The following EYA3 variants were observed in gnomAD, a reference collection of about 807,000 sequenced individuals.
EYA3 encodes EYA transcriptional coactivator and phosphatase 3, also known as protein phosphatase EYA3.
EYA3 carries 39 observed loss-of-function variants against 80.0 expected under a neutral mutation model. That is an observed-to-expected ratio of 0.49 (90% CI 0.38 to 0.64). The LOEUF (loss-of-function observed/expected upper bound fraction) is 0.64, where lower values mean the gene tolerates loss of function less well. Ranked by LOEUF, EYA3 falls within the 30% of genes least tolerant of loss-of-function variation. EYA3 has a pLI of 0.00. For synonymous variants in EYA3, 206 were observed against 232.8 expected (o/e 0.88, Z 1.05); for missense variants, 523 against 676.1 (o/e 0.77, Z 2.51).
chr1:27,993,654 A>G (rs974294083), intron 13 of EYA3, 94 bp from the exon 14 acceptor site: 8 of 1,044,798 alleles, frequency 7.7e-6, no homozygotes, highest in Non-Finnish European at 1.1e-5. Context: ...TCTGATAAAT[A>G]AGGCCAATGG....
chr1:28,026,726 C>T (rs911090813), intron 7 of EYA3, among the ~76,000 whole-genome samples: 2 of 150,120 alleles, frequency 1.3e-5, no homozygotes, highest in African/African-American at 4.9e-5. Flanking sequence ...TTGTTCCCAT[C>T]TTAGAAAGAA....
chr1:28,048,349 G>A (rs1307620495), intron 3 of EYA3, 34 bp downstream of exon 3: 2 of 1,522,962 alleles, frequency 1.3e-6, no homozygotes, highest in Non-Finnish European at 8.9e-7. Flanking sequence ...AAACTTATGA[G>A]TAGTTCATTA....
chr1:28,058,582 CTA>C (rs1010888945), intron 1 of EYA3, among the ~76,000 whole-genome samples: 4 of 152,144 alleles, frequency 2.6e-5, no homozygotes, highest in African/African-American at 9.7e-5. Flanking sequence ...AACTATCTGT[CTA>C]TATGTCATCA....
At chr1:28,018,619 CA>C (rs1166673427) in intron 7 of EYA3, among the ~76,000 whole-genome samples, 1 of 152,140 alleles carries the variant, frequency 6.6e-6, no homozygotes, top group Non-Finnish European at 1.5e-5. Context: ...GTGCTCTGGT[CA>C]AAATTAGATA....
chr1:28,024,160 A>G (rs1483660490), intron 7 of EYA3, among the ~76,000 whole-genome samples: 1 of 151,972 alleles, frequency 6.6e-6, no homozygotes, highest in African/African-American at 2.4e-5. Context: ...ATGCGCTTAA[A>G]CTCGGGAGGT....
chr1:28,080,237 G>A (rs1645373092), intron 1 of EYA3, among the ~76,000 whole-genome samples: 1 of 151,906 alleles, frequency 6.6e-6, no homozygotes, highest in Admixed American at 6.6e-5. Flanking sequence ...TTGAGCCCAG[G>A]AGTTCAAGAC....
chr1:27,983,830 T>A (rs1308370910), intron 16 of EYA3, among the ~76,000 whole-genome samples: 1 of 152,204 alleles, frequency 6.6e-6, no homozygotes, highest in Non-Finnish European at 1.5e-5. Flanking sequence ...TAATTTTGTA[T>A]TTTTAGTAGA....
At chr1:28,066,628 G>A (rs1052259756) in intron 1 of EYA3, among the ~76,000 whole-genome samples, 23 of 151,788 alleles carry the variant, frequency 1.5e-4, no homozygotes, top group Admixed American at 2.6e-4. Context: ...ATCTCACTAT[G>A]GAAAAGAGAT....
chr1:28,035,504 A>G, intron 6 of EYA3, 40 bp downstream of exon 6: 1 of 1,600,338 alleles, frequency 6.2e-7, no homozygotes, highest in Non-Finnish European at 8.5e-7. Context: ...GCGGAATAAA[A>G]TCAACATTCT....
intron 4 of EYA3, among the ~76,000 whole-genome samples, chr1:28,041,554 A>G (rs1274622876): frequency 7.5e-6 from 1 of 133,770 alleles, no homozygotes; most frequent in African/African-American, 2.8e-5. Context: ...CTCCATCTCA[A>G]AAAACATAAA....
At chr1:28,067,147 C>T (rs1644861653) in intron 1 of EYA3, among the ~76,000 whole-genome samples, 1 of 152,156 alleles carries the variant, frequency 6.6e-6, no homozygotes, top group African/African-American at 2.4e-5. Flanking sequence ...AGATTGGCCA[C>T]AGCCTAATCT....
intron 16 of EYA3, among the ~76,000 whole-genome samples, chr1:27,982,152 G>A (rs1261738175): frequency 6.6e-6 from 1 of 151,858 alleles, no homozygotes; most frequent in African/African-American, 2.4e-5. Context: ...GACTACAGGT[G>A]CCCGCCACCA....
At chr1:28,032,048 C>T (rs1002063133) in intron 6 of EYA3, 1 of 152,216 alleles carries the variant, frequency 6.6e-6, no homozygotes, top group African/African-American at 2.4e-5. Flanking sequence ...GAGGTCACCA[C>T]ATTGATGCTG....
At chr1:28,023,846 T>TAA (rs1642605442) in intron 7 of EYA3, among the ~76,000 whole-genome samples, 1 of 152,194 alleles carries the variant, frequency 6.6e-6, no homozygotes, top group African/African-American at 2.4e-5. Context: ...TATACTAACG[T>TAA]AAGATGTTAA....
At chr1:28,064,431 C>CA (rs35425305) in intron 1 of EYA3, among the ~76,000 whole-genome samples, 35,188 of 127,360 alleles carry the variant, frequency 0.28, 4,478 homozygotes, top group Non-Finnish European at 0.29. Flanking sequence ...GACTCTGCCT[C>CA]AAAAAAAAAA....
intron 1 of EYA3, among the ~76,000 whole-genome samples, chr1:28,062,640 G>T (rs991763065): frequency 1.4e-5 from 2 of 146,618 alleles, no homozygotes; most frequent in Non-Finnish European, 3.0e-5. Flanking sequence ...CTTAGGAAGA[G>T]AAATTAAATA....
chr1:28,010,902 G>A (rs769598016), intron 10 of EYA3, 45 bp downstream of exon 10: 1 of 1,584,508 alleles, frequency 6.3e-7, no homozygotes, highest in Non-Finnish European at 8.6e-7. Context: ...AACTTAAGAA[G>A]TGAGAAAGAA....
At chr1:28,014,421 A>AAG (rs1557569471) in intron 8 of EYA3, among the ~76,000 whole-genome samples, 1 of 124,056 alleles carries the variant, frequency 8.1e-6, no homozygotes. Flanking sequence ...CTGTCTCAAA[A>AAG]AAAAAAAAAA....
At chr1:27,986,397 A>T (rs1378271326) in intron 16 of EYA3, among the ~76,000 whole-genome samples, 1 of 143,940 alleles carries the variant, frequency 6.9e-6, no homozygotes, top group Non-Finnish European at 1.5e-5. Flanking sequence ...TACTCTCTTA[A>T]CATTTTTTTT....
Sources: gnomAD v4.1 joint callset for allele counts (sites outside exome capture counted in the v4.1 genomes callset) on GRCh38, gnomAD v4.1.1 for gene constraint, MANE v1.5 for transcripts, NCBI Gene and HGNC (gene_info 2026-07-23, HGNC 2026-07-21) for gene names.